MYO16: variants seen among roughly 807,000 people sequenced by gnomAD.
The protein encoded by MYO16 is myosin XVI, also known as unconventional myosin-XVI.
MYO16 carries 94 observed loss-of-function variants against 205.3 expected under a neutral mutation model. The observed-to-expected ratio is 0.46, with a 90% CI of 0.39 to 0.54. The LOEUF (loss-of-function observed/expected upper bound fraction) is 0.54, where lower values mean the gene tolerates loss of function less well. MYO16 is among the 20% of genes least tolerant of loss of function. The pLI is 0.00. For missense variants in MYO16, 2,315 were observed against 2,387.5 expected (o/e 0.97, Z 0.63); for synonymous variants, 988 against 954.0 (o/e 1.04, Z -0.66).
At chr13:108,570,018 C>T in the MYO16 span, among the ~76,000 whole-genome samples, 1 of 152,094 alleles carries the variant, frequency 6.6e-6, no homozygotes, top group Non-Finnish European at 1.5e-5. Context: ...TCAAATGTTC[C>T]CGGATTTCAT....
At chr13:108,742,009 T>G (rs1884925451) in intron 4 of MYO16, among the ~76,000 whole-genome samples, 1 of 152,174 alleles carries the variant, frequency 6.6e-6, no homozygotes, top group South Asian at 2.1e-4. Context: ...TCTGTTTGTT[T>G]TTGAGACAGA....
intron 4 of MYO16, among the ~76,000 whole-genome samples, chr13:108,741,505 G>A (rs933882154): frequency 1.3e-5 from 2 of 152,148 alleles, no homozygotes; most frequent in Non-Finnish European, 2.9e-5. Flanking sequence ...TTTATTCTAT[G>A]AGAGCTGAAA....
intron 14 of MYO16, among the ~76,000 whole-genome samples, chr13:108,893,650 A>G (rs1594375699): frequency 1.3e-5 from 2 of 152,174 alleles, no homozygotes; most frequent in East Asian, 3.9e-4. Context: ...GGTGGCCCTA[A>G]GAGGAGAGGA....
chr13:109,048,600 A>G, intron 24 of MYO16: 1 of 360,740 alleles, frequency 2.8e-6, no homozygotes, highest in East Asian at 4.1e-5. Flanking sequence ...CTCAGGAGCC[A>G]TGATTGCTCA....
At chr13:108,698,899 C>T (rs146821340) in intron 2 of MYO16, among the ~76,000 whole-genome samples, 2 of 152,228 alleles carry the variant, frequency 1.3e-5, no homozygotes, top group East Asian at 3.9e-4. Flanking sequence ...ACTTTCATCA[C>T]AGTTTTACAA....
chr13:108,730,182 T>A (rs1884476053), intron 4 of MYO16, among the ~76,000 whole-genome samples: 1 of 152,114 alleles, frequency 6.6e-6, no homozygotes. Context: ...ATAGGCGTGG[T>A]TTCCCCCATG....
At chr13:108,516,635 T>G in the MYO16 span, among the ~76,000 whole-genome samples, 2 of 152,220 alleles carry the variant, frequency 1.3e-5, no homozygotes, top group East Asian at 1.9e-4. Flanking sequence ...AAATAGACTA[T>G]TATAAACCAT....
At chr13:108,733,832 G>A (rs867986819) in intron 4 of MYO16, among the ~76,000 whole-genome samples, 1 of 152,156 alleles carries the variant, frequency 6.6e-6, no homozygotes, top group Non-Finnish European at 1.5e-5. Context: ...AGCTGGGCAT[G>A]GTGGCAGGCA....
At chr13:109,165,851 G>A (rs1011016756) in intron 33 of MYO16, among the ~76,000 whole-genome samples, 2 of 152,198 alleles carry the variant, frequency 1.3e-5, no homozygotes, top group Non-Finnish European at 2.9e-5. Context: ...AAGAAACTGA[G>A]TCGTGGCCCC....
At chr13:108,777,850 C>G (rs955201173) in intron 4 of MYO16, among the ~76,000 whole-genome samples, 1 of 152,152 alleles carries the variant, frequency 6.6e-6, no homozygotes, top group Non-Finnish European at 1.5e-5. Flanking sequence ...ACCTTCATAC[C>G]TGGGGAATGT....
chr13:108,733,426 T>A (rs909539382), intron 4 of MYO16, among the ~76,000 whole-genome samples: 1 of 152,192 alleles, frequency 6.6e-6, no homozygotes, highest in African/African-American at 2.4e-5. Flanking sequence ...CAAATCTACA[T>A]GCTGAAGTCC....
At chr13:109,060,999 C>T (rs540556576) in intron 27 of MYO16, among the ~76,000 whole-genome samples, 1 of 152,286 alleles carries the variant, frequency 6.6e-6, no homozygotes, top group South Asian at 2.1e-4. Flanking sequence ...TGCAGCTTTA[C>T]ATCAAATGTG....
At chr13:109,155,367 C>T (rs556245827) in intron 32 of MYO16, among the ~76,000 whole-genome samples, 44 of 152,024 alleles carry the variant, frequency 2.9e-4, no homozygotes, top group Non-Finnish European at 6.0e-4. Context: ...AGAGGAATTT[C>T]GATCTACTCC....
At position 108,956,578 on chromosome 13, in the gene MYO16, G is replaced by C. The variant is rs540022553; in HGVS notation, c.1926-1110G>C. Among the ~76,000 whole-genome samples the C allele has an allele frequency of 7.3e-5, 11 of 151,630 alleles. No homozygotes were observed. The South Asian group carries it at 2.3e-3, about 31-fold the overall frequency. On this transcript the variant is annotated intron_variant, in intron 16 of 34. Coordinates refer to ENST00000457511, the MANE Select transcript of MYO16 (RefSeq NM_001198950.3). ...TACTTCTCCAATCTCATCAATCTTTGCTCATCTCACCGTAGGCTCCAATTT... is the reference window on the plus strand; with the variant it reads ...TACTTCTCCAATCTCATCAATCTTTCCTCATCTCACCGTAGGCTCCAATTT...
At chr13:108,868,496 T>C (rs1159378419) in intron 12 of MYO16, among the ~76,000 whole-genome samples, 1 of 152,224 alleles carries the variant, frequency 6.6e-6, no homozygotes, top group African/African-American at 2.4e-5. Flanking sequence ...TTCATCTACC[T>C]TTTTTATTGA....
At chr13:108,983,832 T>C (rs1884535598) in intron 20 of MYO16, among the ~76,000 whole-genome samples, 1 of 152,162 alleles carries the variant, frequency 6.6e-6, no homozygotes, top group African/African-American at 2.4e-5. Context: ...GCCCACAGTC[T>C]TCTCCTTCCA....
chr13:108,707,725 G>A (rs927371210), intron 2 of MYO16, among the ~76,000 whole-genome samples: 6 of 152,154 alleles, frequency 3.9e-5, no homozygotes, highest in South Asian at 2.1e-4. Flanking sequence ...CAAATGAGGC[G>A]TTCAGAGGTA....
intron 4 of MYO16, among the ~76,000 whole-genome samples, chr13:108,768,198 C>T (rs921812732): frequency 2.0e-5 from 3 of 152,074 alleles, no homozygotes; most frequent in South Asian, 2.1e-4. Flanking sequence ...CTTTTCCTAC[C>T]GCCCCTGGCT....
Position 108,619,379 on chromosome 13 carries a change from T to A in MYO16, c.-39+23140T>A, listed in dbSNP as rs1027611926. On this transcript the variant is annotated intron_variant, in intron 1 of 24. Coordinates refer to the MYO16 transcript ENST00000251041. ...CCCTGCTATACTCTTAAATTTCAAA[T>A]ATAAACATATATACCTCTTCCCTTG... Among the ~76,000 whole-genome samples, 101 of 152,158 alleles carry A rather than the reference T, an allele frequency of 6.6e-4. 1 individual carries two copies.
Sources: gnomAD v4.1 joint callset for allele counts (sites outside exome capture counted in the v4.1 genomes callset) on GRCh38, gnomAD v4.1.1 for gene constraint, MANE v1.5 for transcripts, NCBI Gene and HGNC (gene_info 2026-07-23, HGNC 2026-07-21) for gene names.